The following SOX6 variants were observed in gnomAD, a reference collection of about 807,000 sequenced individuals.
SOX6 encodes the protein SRY-box transcription factor 6.
SOX6 carries 11 observed loss-of-function variants against 97.8 expected under a neutral mutation model. That is an observed-to-expected ratio of 0.11 (90% CI 0.07 to 0.19). The LOEUF (loss-of-function observed/expected upper bound fraction) is 0.19, where lower values mean the gene tolerates loss of function less well. Among genes scored for constraint, SOX6 ranks in the 10% least tolerant of loss-of-function variants. The pLI is 1.00. For synonymous variants in SOX6, 360 were observed against 371.4 expected, an observed-to-expected ratio of 0.97 and a Z score of 0.35; for missense variants, 810 against 1,039.5, an observed-to-expected ratio of 0.78 and a Z score of 3.04.
At chr11:16,258,356 C>A (rs978036624) in intron 3 of SOX6, among the ~76,000 whole-genome samples, 2 of 59,756 alleles carry the variant, frequency 3.3e-5, no homozygotes, top group African/African-American at 1.1e-4. Context: ...TACATCCAGA[C>A]AATGAAACAT....
At chr11:16,400,381 G>A (rs1050803157) in intron 1 of SOX6, among the ~76,000 whole-genome samples, 1 of 151,424 alleles carries the variant, frequency 6.6e-6, no homozygotes, top group Admixed American at 6.6e-5. Context: ...ATGAAGTTTG[G>A]TGAGATCCTT....
In SOX6 at chr11:16,014,971, A is replaced by T. The variant is rs368428791; in HGVS notation, c.1703T>A (p.Ile568Asn). The T allele has an allele frequency of 3.7e-6, 6 of 1,612,850 alleles. No homozygotes were observed. The highest frequency in any genetic ancestry group is 5.1e-6 in the Non-Finnish European group (6 of 1,179,314). The change falls in exon 13 of 16, where the codon ATC (isoleucine) becomes AAC (asparagine). Residue 568 changes from isoleucine (I) to asparagine (N), a missense_variant. Ile to Asn is a moderately radical substitution (Grantham distance 149). Coordinates refer to ENST00000683767, the MANE Select transcript of SOX6 (RefSeq NM_001367873.1). ...NEDGKLGPGV[I>N]DLTRPEDAEG... is the part of the protein sequence containing the mutation. ...TGCATCTTCTGGCCGAGTAAGGTCG[A>T]TGACACCTGGGCCCAGTTTTCCATC...
intron 15 of SOX6, among the ~76,000 whole-genome samples, chr11:15,976,098 C>T (rs1037922252): frequency 5.3e-5 from 8 of 152,130 alleles, no homozygotes; most frequent in African/African-American, 1.2e-4. Flanking sequence ...GGTTACTCCC[C>T]ACCTTGAGGA....
chr11:16,546,023 A>C (rs572409868), intron 4 of SOX6, among the ~76,000 whole-genome samples: 5 of 152,314 alleles, frequency 3.3e-5, no homozygotes, highest in African/African-American at 1.2e-4. Context: ...CAAAATCAAC[A>C]TACAAAAATC....
intron 1 of SOX6, among the ~76,000 whole-genome samples, chr11:16,405,318 G>A (rs1327529876): frequency 6.6e-6 from 1 of 151,926 alleles, no homozygotes; most frequent in Non-Finnish European, 1.5e-5. Flanking sequence ...TGTACATTGT[G>A]GTGAGGAAAA....
intron 6 of SOX6, among the ~76,000 whole-genome samples, 190 bp from the exon 7 acceptor site, chr11:16,112,113 G>C (rs1285289364): frequency 6.6e-6 from 1 of 152,082 alleles, no homozygotes; most frequent in Non-Finnish European, 1.5e-5. Flanking sequence ...ATAGCATACC[G>C]AAGACGTAAC....
At chr11:16,546,706 C>T (rs1453920857) in intron 4 of SOX6, among the ~76,000 whole-genome samples, 4 of 151,896 alleles carry the variant, frequency 2.6e-5, no homozygotes. Flanking sequence ...ATCTAGGCAA[C>T]GAATTTTATA....
chr11:16,549,867 T>C (rs756606881), intron 4 of SOX6, among the ~76,000 whole-genome samples: 21 of 152,176 alleles, frequency 1.4e-4, no homozygotes, highest in Non-Finnish European at 2.5e-4. Flanking sequence ...ACTTTATGAT[T>C]CCACTTCTAT....
At chr11:16,032,980 C>T (rs887571079) in intron 12 of SOX6, among the ~76,000 whole-genome samples, 8 of 152,164 alleles carry the variant, frequency 5.3e-5, no homozygotes, top group African/African-American at 1.7e-4. Flanking sequence ...ATTAGCCTTA[C>T]GACACTTTTC....
intron 15 of SOX6, among the ~76,000 whole-genome samples, chr11:15,978,820 ATAT>A (rs1454902942): frequency 1.5e-5 from 2 of 136,852 alleles, no homozygotes; most frequent in African/African-American, 2.6e-5. Flanking sequence ...TATAATATAG[ATAT>A]TATATATAAC....
chr11:16,654,901 C>A (rs1458564965), intron 3 of SOX6, among the ~76,000 whole-genome samples: 1 of 152,084 alleles, frequency 6.6e-6, no homozygotes, highest in African/African-American at 2.4e-5. Context: ...GCTGAAGGGG[C>A]CTTATTCATA....
chr11:16,029,347 T>C (rs1361215588), intron 12 of SOX6, among the ~76,000 whole-genome samples: 1 of 152,100 alleles, frequency 6.6e-6, no homozygotes, highest in Non-Finnish European at 1.5e-5. Flanking sequence ...CTAAAGATTG[T>C]CTAATGAGGG....
At chr11:16,110,079 A>C (rs1849191981) in intron 7 of SOX6, among the ~76,000 whole-genome samples, 1 of 152,200 alleles carries the variant, frequency 6.6e-6, no homozygotes, top group Admixed American at 6.6e-5. Context: ...AAAATCACTA[A>C]TAAAACAATA....
At chr11:16,703,092 C>A (rs1387970755) in intron 3 of SOX6, among the ~76,000 whole-genome samples, 1 of 151,600 alleles carries the variant, frequency 6.6e-6, no homozygotes, top group East Asian at 1.9e-4. Context: ...TAAAATGTAT[C>A]TTATATGTTT....
intron 12 of SOX6, among the ~76,000 whole-genome samples, chr11:16,035,280 T>G (rs146505100): frequency 6.6e-6 from 1 of 152,150 alleles, no homozygotes; most frequent in Non-Finnish European, 1.5e-5. Context: ...ACAAAAAACT[T>G]TGAAGTCTCT....
At chr11:16,459,693 G>A (rs1241866644) in intron 1 of SOX6, among the ~76,000 whole-genome samples, 2 of 151,890 alleles carry the variant, frequency 1.3e-5, no homozygotes, top group African/African-American at 4.8e-5. Context: ...GAATTCACTG[G>A]GTAGAATTAA....
chr11:16,236,909 G>T (rs183465579), intron 3 of SOX6, among the ~76,000 whole-genome samples: 14 of 151,836 alleles, frequency 9.2e-5, no homozygotes, highest in Admixed American at 2.6e-4. Context: ...AAAGCGTTTC[G>T]CATTCCTATT....
intron 1 of SOX6, among the ~76,000 whole-genome samples, chr11:16,465,207 C>T (rs542329408): frequency 3.7e-4 from 56 of 152,260 alleles, no homozygotes; most frequent in African/African-American, 1.3e-3. Context: ...CCAGATATTG[C>T]CATTTAGTTA....
intron 15 of SOX6, among the ~76,000 whole-genome samples, chr11:15,978,920 T>C (rs1201245128): frequency 3.0e-4 from 41 of 138,362 alleles, no homozygotes; most frequent in Non-Finnish European, 4.8e-4. Context: ...ATAAGCATTA[T>C]ATATTATATA....
Sources: gnomAD v4.1 joint callset for allele counts (sites outside exome capture counted in the v4.1 genomes callset) on GRCh38, gnomAD v4.1.1 for gene constraint, MANE v1.5 for transcripts, NCBI Gene and HGNC (gene_info 2026-07-23, HGNC 2026-07-21) for gene names.